SCUBE1: variants seen among roughly 807,000 people sequenced by gnomAD.
The protein encoded by SCUBE1 is signal peptide, CUB and EGF-like domain-containing protein 1.
A neutral mutation model predicts 124.4 loss-of-function variants in SCUBE1; 59 were observed. That is an observed-to-expected ratio of 0.47 (90% CI 0.38 to 0.59). SCUBE1 has a LOEUF of 0.59. Among genes scored for constraint, SCUBE1 ranks in the 20% least tolerant of loss-of-function variants. The pLI, the probability that SCUBE1 is intolerant of heterozygous loss-of-function variation, is 0.00. For synonymous variants in SCUBE1, 545 were observed against 550.9 expected, an observed-to-expected ratio of 0.99 and a Z score of 0.15; for missense variants, 1,150 against 1,371.2, an observed-to-expected ratio of 0.84 and a Z score of 2.55.
At chr22:43,218,181 C>T (rs1252993503) in intron 15 of SCUBE1, 74 bp downstream of exon 15, 1 of 1,467,494 alleles carries the variant, frequency 6.8e-7, no homozygotes, top group Non-Finnish European at 9.5e-7. Flanking sequence ...CCTGCGTGCC[C>T]ACCACTGTTT....
At chr22:43,231,506 A>T (rs2146679037) in intron 8 of SCUBE1, among the ~76,000 whole-genome samples, 1 of 152,118 alleles carries the variant, frequency 6.6e-6, no homozygotes, top group Admixed American at 6.5e-5. Flanking sequence ...GGGTGAACTG[A>T]TGAGCTGGGC....
At chr22:43,244,506 T>C (rs11703272) in intron 6 of SCUBE1, among the ~76,000 whole-genome samples, 11,931 of 152,264 alleles carry the variant, frequency 0.078, 562 homozygotes, top group Non-Finnish European at 0.11. Context: ...TACCCTCTGT[T>C]GGGCCTGGAA....
chr22:43,205,829 A>C (rs1359293102), intron 21 of SCUBE1, among the ~76,000 whole-genome samples: 1 of 48,678 alleles, frequency 2.1e-5, no homozygotes, highest in Admixed American at 2.6e-4. Flanking sequence ...ACTCACCCCC[A>C]CACACACCAC....
chr22:43,252,328 G>A (rs1487968868), intron 6 of SCUBE1, among the ~76,000 whole-genome samples: 1 of 152,194 alleles, frequency 6.6e-6, no homozygotes, highest in African/African-American at 2.4e-5. Flanking sequence ...CAGCTGTGTG[G>A]CTGGAACCCT....
chr22:43,239,837 T>C (rs549724549), intron 6 of SCUBE1, among the ~76,000 whole-genome samples: 2 of 152,276 alleles, frequency 1.3e-5, no homozygotes, highest in Non-Finnish European at 2.9e-5. Flanking sequence ...GCCCATCTCT[T>C]ATAACCTGGA....
Position 43,242,997 on chromosome 22 carries a change from A to T in SCUBE1, c.728-4043T>A, listed in dbSNP as rs143367524. On this transcript the variant is annotated intron_variant, in intron 6 of 21. Coordinates refer to ENST00000360835, the MANE Select transcript of SCUBE1 (RefSeq NM_173050.5). ...ATTTGTGGAACCCAGCGCAAAATAAAAATGGAATTGCCTTGTTCAAAAATT... is the reference window on the plus strand; with the variant it reads ...ATTTGTGGAACCCAGCGCAAAATAATAATGGAATTGCCTTGTTCAAAAATT... 1.4e-4 allele frequency among the ~76,000 whole-genome samples: 21 copies of T among 152,358 alleles called. 1 individual carries two copies. The highest frequency in any genetic ancestry group is 4.8e-4 in the African/African-American group (20 of 41,578).
At chr22:43,248,275 G>T (rs2146695675) in intron 6 of SCUBE1, among the ~76,000 whole-genome samples, 1 of 152,304 alleles carries the variant, frequency 6.6e-6, no homozygotes, top group South Asian at 2.1e-4. Flanking sequence ...CGAGGGGTAG[G>T]GCCACCCAAG....
intron 12 of SCUBE1, among the ~76,000 whole-genome samples, chr22:43,221,608 AAG>A (rs1922094186): frequency 6.6e-6 from 1 of 152,172 alleles, no homozygotes; most frequent in South Asian, 2.1e-4. Context: ...TGCTTTAGGA[AAG>A]AGCGTAGAAC....
chr22:43,224,021 CCT>C (rs113427992), intron 10 of SCUBE1, among the ~76,000 whole-genome samples: 2,038 of 152,380 alleles, frequency 0.013, 26 homozygotes, highest in African/African-American at 0.037. Flanking sequence ...TGCTTTGCTC[CCT>C]GAGCCTGCCT....
intron 6 of SCUBE1, among the ~76,000 whole-genome samples, chr22:43,240,285 A>T (rs1922952367): frequency 6.6e-6 from 1 of 151,990 alleles, no homozygotes; most frequent in African/African-American, 2.4e-5. Flanking sequence ...CAAATCCTGG[A>T]CCTCAGCTGG....
chr22:43,232,425 A>C (rs1253147077), intron 7 of SCUBE1: 1 of 154,840 alleles, frequency 6.5e-6, no homozygotes, highest in African/African-American at 2.4e-5. Flanking sequence ...AGCGCTCAAG[A>C]AACTTTTTTC....
chr22:43,254,025 T>C (rs1413486456), intron 6 of SCUBE1, among the ~76,000 whole-genome samples: 1 of 152,230 alleles, frequency 6.6e-6, no homozygotes, highest in Non-Finnish European at 1.5e-5. Context: ...GCAGTGGTCA[T>C]ACCTGTTGGC....
intron 2 of SCUBE1, among the ~76,000 whole-genome samples, chr22:43,335,859 ATGATGG>A (rs1349716517): frequency 1.3e-5 from 2 of 150,204 alleles, no homozygotes; most frequent in African/African-American, 4.9e-5. Flanking sequence ...GATGGTGGTG[ATGATGG>A]TGATGGTGAT....
Position 43,210,009 on chromosome 22 carries a change from A to AGGCTGCCTCTGGTCCCCTC in SCUBE1, c.2581+15_2581+33dup. ...CGAGACGGGGGTGCACACGCAGCTG[A>AGGCTGCCTCTGGTCCCCTC]GGCTGCCTCTGGTCCCCTCGGCCCC... On this transcript the variant is annotated intron_variant, in intron 19 of 21. Transcript: ENST00000360835. The surrounding 1 kb of genome is among the most constrained non-coding windows in gnomAD (Gnocchi z 4.5). 6.4e-7 allele frequency: 1 copy of AGGCTGCCTCTGGTCCCCTC among 1,559,460 alleles called. No individual in the cohort carries two copies. Among genetic ancestry groups the AGGCTGCCTCTGGTCCCCTC allele is most frequent in the Middle Eastern group, 1.8e-4 (1 of 5,598 alleles).
intron 2 of SCUBE1, among the ~76,000 whole-genome samples, chr22:43,337,161 G>A (rs1484100981): frequency 1.3e-5 from 2 of 152,182 alleles, no homozygotes; most frequent in African/African-American, 4.8e-5. Context: ...TCTAGCAGGT[G>A]AGAACATGAA....
In SCUBE1 at chr22:43,249,464, G is replaced by A. The variant is rs1025289551; in HGVS notation, c.727+8755C>T. On this transcript the variant is annotated intron_variant, in intron 6 of 21. Transcript: ENST00000360835. ...GGGGACAGTGTGGGACACAGTGTGT[G>A]CCCCCTAAGTGTCAGCCACCATTTC... 3.9e-5 allele frequency among the ~76,000 whole-genome samples: 6 copies of A among 152,290 alleles called. No homozygotes were observed. The East Asian group carries it at 1.2e-3, about 29-fold the overall frequency.
At position 43,198,825 on chromosome 22, in the gene SCUBE1, GTGTC is replaced by G. The variant is rs1282301326; in HGVS notation, c.*5168_*5171del. On this transcript the variant is annotated 3_prime_UTR_variant, in exon 22 of 22. Coordinates refer to ENST00000360835, the MANE Select transcript of SCUBE1 (RefSeq NM_173050.5). ...CAGCTTGTCTGCTGTCTGGGGCAGGGTGTCTGTCTATCTGCTGTCTGGGGAAGTG... is the reference window on the plus strand; with the variant it reads ...CAGCTTGTCTGCTGTCTGGGGCAGGGTGTCTATCTGCTGTCTGGGGAAGTG... The G allele has an allele frequency of 3.8e-5, 16 of 419,110 alleles. No homozygotes were observed. The highest frequency in any genetic ancestry group is 3.9e-5 in the Non-Finnish European group (8 of 207,126). 26.0% of individuals were successfully genotyped at this position (419,110 alleles called of 1,614,324 possible). A position where few individuals can be genotyped will look rare whatever the true frequency, so the allele number is the denominator to read the frequency against.
intron 4 of SCUBE1, among the ~76,000 whole-genome samples, chr22:43,266,487 C>T (rs777037055): frequency 5.3e-5 from 8 of 152,190 alleles, no homozygotes; most frequent in East Asian, 1.9e-4. Flanking sequence ...AGATAGGCTC[C>T]GTGGCTGGCG....
intron 3 of SCUBE1, among the ~76,000 whole-genome samples, chr22:43,308,928 G>A (rs1009977371): frequency 1.3e-5 from 2 of 152,238 alleles, no homozygotes; most frequent in African/African-American, 4.8e-5. Flanking sequence ...TAAGAACACA[G>A]CAGAGCTCAA....
Sources: allele counts gnomAD v4.1 joint callset (sites outside exome capture counted in the v4.1 genomes callset), GRCh38; gene constraint gnomAD v4.1.1; non-coding constraint Gnocchi (gnomAD v3.1); transcripts MANE v1.5; gene names NCBI Gene and HGNC (gene_info 2026-07-23, HGNC 2026-07-21).